SUPT20H: variants seen among roughly 807,000 people sequenced by gnomAD.
SUPT20H encodes SPT20 homolog, SAGA complex component, also known as transcription factor SPT20 homolog.
Under a neutral mutation model 122.8 loss-of-function variants are expected in SUPT20H, and 82 were observed. The ratio of observed to expected loss-of-function variants is 0.67; its 90% confidence interval spans 0.56 to 0.80. The LOEUF is 0.80. Ranked by LOEUF, SUPT20H falls within the 30% of genes least tolerant of loss-of-function variation. The probability of loss-of-function intolerance (pLI) is 0.00; values close to 1 mark genes in which losing one functional copy is unlikely to be tolerated. For missense variants in SUPT20H, 831 were observed against 921.6 expected (o/e 0.90, Z 1.27); for synonymous variants, 291 against 313.0 (o/e 0.93, Z 0.74).
chr13:37,016,446 T>A (rs975943961), intron 23 of SUPT20H, among the ~76,000 whole-genome samples: 1 of 151,190 alleles, frequency 6.6e-6, no homozygotes, highest in Non-Finnish European at 1.5e-5. Flanking sequence ...AAAAAAAAAG[T>A]TAAAATGGTA....
rs118175858 is a variant in SUPT20H at position 37,018,271 on chromosome 13, A to G, written c.1873-907T>C. ...GTAGAAAAATATAACAAACTAAAGGATTTCCATTCCTGTTAACACTGAGAC... is the reference window on the plus strand; with the variant it reads ...GTAGAAAAATATAACAAACTAAAGGGTTTCCATTCCTGTTAACACTGAGAC... On this transcript the variant is annotated intron_variant, in intron 22 of 25. Coordinates refer to ENST00000350612, the MANE Select transcript of SUPT20H (RefSeq NM_001014286.3). Among the ~76,000 whole-genome samples the G allele has an allele frequency of 3.9e-3, 597 of 152,326 alleles. 11 individuals carry two copies. The East Asian group carries it at 0.057, about 14-fold the overall frequency.
In SUPT20H at chr13:37,033,739, A is replaced by G. The variant is rs1426795922; in HGVS notation, c.568-151T>C. On this transcript the variant is annotated intron_variant, in intron 9 of 25. Coordinates refer to ENST00000350612, the MANE Select transcript of SUPT20H (RefSeq NM_001014286.3). ...CAAGTTCCAATGTTAGTGTGCATGT[A>G]AACTTTTAGAAACCAGACAGCATAA... The G allele has an allele frequency of 3.8e-6, 3 of 788,222 alleles. No homozygotes were observed. The African/African-American group carries it at 5.3e-5, about 14-fold the overall frequency. 48.8% of individuals were successfully genotyped at this position (788,222 alleles called of 1,614,324 possible).
intron 10 of SUPT20H, among the ~76,000 whole-genome samples, chr13:37,032,604 G>A (rs1280602073): frequency 6.6e-6 from 1 of 152,086 alleles, no homozygotes; most frequent in Non-Finnish European, 1.5e-5. Context: ...TGAATTGCTG[G>A]AGGCCTACTG....
At chr13:37,057,463 G>A (rs1241779163) in intron 1 of SUPT20H, among the ~76,000 whole-genome samples, 3 of 149,124 alleles carry the variant, frequency 2.0e-5, no homozygotes, top group Non-Finnish European at 3.0e-5. Flanking sequence ...AGATTTTCCA[G>A]GTAAAACAGT....
intron 10 of SUPT20H, among the ~76,000 whole-genome samples, chr13:37,033,223 T>C (rs984301378): frequency 2.3e-4 from 35 of 150,472 alleles, no homozygotes; most frequent in African/African-American, 8.3e-4. Context: ...AATCAGAGGC[T>C]GGTGCAGTTG....
intron 7 of SUPT20H, among the ~76,000 whole-genome samples, chr13:37,041,708 T>C (rs1170850812): frequency 1.3e-5 from 2 of 152,102 alleles, no homozygotes; most frequent in Non-Finnish European, 2.9e-5. Context: ...TTTAAATAAA[T>C]ATTTACTGAG....
Position 37,009,608 on chromosome 13 carries a change from AACTC to A in SUPT20H, c.*60_*63del. The A allele has an allele frequency of 6.3e-7, 1 of 1,594,608 alleles. No homozygotes were observed. The highest frequency in any genetic ancestry group is 8.6e-7 in the Non-Finnish European group (1 of 1,163,398). On this transcript the variant is annotated 3_prime_UTR_variant, in exon 26 of 26. Transcript: ENST00000350612. ...CACATTAAAAAAAACAAAAAGTAGAAACTCAATTCTTTTGATTCAGTGCTCTTGT... is the reference window on the plus strand; with the variant it reads ...CACATTAAAAAAAACAAAAAGTAGAAAATTCTTTTGATTCAGTGCTCTTGT...
rs1167430601 is a variant in SUPT20H, at chr13:37,040,397, C to T, written c.567+8G>A. The T allele has an allele frequency of 6.4e-7, 1 of 1,554,736 alleles. No homozygotes were observed. The highest frequency in any genetic ancestry group is 8.6e-7 in the Non-Finnish European group (1 of 1,159,754). On this transcript the variant is annotated splice_region_variant and intron_variant, in intron 9 of 25. Coordinates refer to ENST00000350612, the MANE Select transcript of SUPT20H (RefSeq NM_001014286.3). ...GCCTGTTTGAGATTAAAAAACAAAA[C>T]AACTAACCTGGGTCCATTTGTGGTT...
At chr13:37,025,935 A>G (rs562238823) in intron 16 of SUPT20H, 1 of 325,154 alleles carries the variant, frequency 3.1e-6, no homozygotes, top group East Asian at 4.9e-5. Flanking sequence ...TCATCCCATG[A>G]AAAGAACCAT....
At chr13:37,012,402 C>T (rs1306224710) in intron 23 of SUPT20H, 105 bp from the exon 24 acceptor site, 1 of 750,198 alleles carries the variant, frequency 1.3e-6, no homozygotes, top group Non-Finnish European at 2.2e-6. Context: ...CAGTATTAGA[C>T]TAGTCTTGTA....
chr13:37,033,909 T>C (rs1334913829), intron 9 of SUPT20H, among the ~76,000 whole-genome samples: 1 of 152,254 alleles, frequency 6.6e-6, no homozygotes, highest in Non-Finnish European at 1.5e-5. Flanking sequence ...ACACACTTAT[T>C]TTGTGTCTGT....
chr13:37,011,617 A>G lies in SUPT20H; in HGVS notation c.2098+575T>C, dbSNP rs369806070. Reference sequence around the variant, plus strand: ...CTTCAACTGACAGGAAGTTAGAATTATCGTCTTCAACTGACAGGAAGTTAG... The same window carrying G: ...CTTCAACTGACAGGAAGTTAGAATTGTCGTCTTCAACTGACAGGAAGTTAG... On this transcript the variant is annotated intron_variant, in intron 24 of 25. Coordinates refer to ENST00000350612, the MANE Select transcript of SUPT20H (RefSeq NM_001014286.3). Among the ~76,000 whole-genome samples the G allele has an allele frequency of 1.4e-4, 22 of 152,316 alleles. No homozygotes were observed. The East Asian group carries it at 4.0e-3, about 28-fold the overall frequency.
intron 5 of SUPT20H, 144 bp downstream of exon 5, chr13:37,047,390 GA>G: frequency 1.1e-6 from 1 of 872,134 alleles, no homozygotes. Flanking sequence ...CCAGAGCTCT[GA>G]GTCAGCTACA....
intron 1 of SUPT20H, chr13:37,056,789 AT>A (rs2069164888): frequency 3.3e-5 from 5 of 151,878 alleles, no homozygotes; most frequent in African/African-American, 4.8e-5. Context: ...AAAAAAGAAA[AT>A]CTTCTTTTCT....
intron 1 of SUPT20H, chr13:37,051,786 T>A (rs2139232718): frequency 3.3e-6 from 1 of 304,488 alleles, no homozygotes; most frequent in South Asian, 1.4e-4. Context: ...TAGTTTCAAC[T>A]AGGAAAGGCA....
At chr13:37,043,994 T>C in intron 7 of SUPT20H, 84 bp downstream of exon 7, 1 of 777,412 alleles carries the variant, frequency 1.3e-6, no homozygotes, top group Non-Finnish European at 2.1e-6. Context: ...TATACATATA[T>C]GTATACATAC....
intron 24 of SUPT20H, 149 bp downstream of exon 24, chr13:37,012,043 A>C: frequency 1.8e-6 from 1 of 550,090 alleles, no homozygotes; most frequent in Non-Finnish European, 3.2e-6. Context: ...CTCAGCCATC[A>C]ATCAATTTAA....
In SUPT20H at chr13:37,012,267, G is replaced by A; in HGVS notation, c.2023C>T (p.Gln675Ter). ...GSEQGSTSQE[Q>*]ALSAQQAAVI... ...GCAGCTTGCTGAGCAGATAAGGCCT[G>A]TTCTTGACTGGTTGAACCTTGCTCA... is the stretch of plus-strand genomic sequence containing the variant. The change falls in exon 24 of 26, where the codon CAG (glutamine) becomes TAG (stop). Residue 675 changes from glutamine (Q) to a stop codon, truncating the protein, a stop_gained. Coordinates refer to ENST00000350612, the MANE Select transcript of SUPT20H (RefSeq NM_001014286.3). LOFTEE classifies it high-confidence loss of function. 6.2e-7 allele frequency: 1 copy of A among 1,613,310 alleles called. No individual in the cohort carries two copies. Among genetic ancestry groups the A allele is most frequent in the Non-Finnish European group, 8.5e-7 (1 of 1,179,434 alleles).
At chr13:37,050,983 A>C (rs2067555231) in intron 2 of SUPT20H, among the ~76,000 whole-genome samples, 1 of 152,202 alleles carries the variant, frequency 6.6e-6, no homozygotes, top group Non-Finnish European at 1.5e-5. Context: ...TCATTTCTTA[A>C]TGGCAAAAGT....
Sources: gnomAD v4.1 joint callset for allele counts (sites outside exome capture counted in the v4.1 genomes callset) on GRCh38, gnomAD v4.1.1 for gene constraint, MANE v1.5 for transcripts, NCBI Gene and HGNC (gene_info 2026-07-23, HGNC 2026-07-21) for gene names.